NSUN7: variants seen among roughly 807,000 people sequenced by gnomAD.
NSUN7 encodes protein NSUN7.
A neutral mutation model predicts 58.5 loss-of-function variants in NSUN7; 39 were observed. The ratio of observed to expected loss-of-function variants is 0.67; its 90% CI spans 0.52 to 0.87. The LOEUF is 0.87. Ranked by LOEUF, NSUN7 falls within the 40% of genes least tolerant of loss-of-function variation. The pLI, the probability that NSUN7 is intolerant of heterozygous loss-of-function variation, is 0.00. For synonymous variants in NSUN7, 278 were observed against 303.7 expected, an observed-to-expected ratio of 0.92 and a Z score of 0.88; for missense variants, 765 against 844.1, an observed-to-expected ratio of 0.91 and a Z score of 1.16.
At position 40,811,093 on chromosome 4, in the gene NSUN7, C is replaced by T. The variant is rs1360230263; in HGVS notation, c.*2154C>T. On this transcript the variant is annotated 3_prime_UTR_variant, in exon 12 of 12. Transcript: ENST00000381782. ...TGAAGTCACAATTTGTTGCCACTTA[C>T]ATTGATTATCTCCTAACATGCATTT... 3 of 151,810 alleles carry T rather than the reference C, an allele frequency of 2.0e-5. No homozygotes were observed. The highest frequency in any genetic ancestry group is 4.4e-5 in the Non-Finnish European group (3 of 68,034). The allele number at this position is 151,810 out of a possible 1,614,324, so 9.4% of individuals were successfully genotyped here.
chr4:40,752,750 A>C (rs1319526554), intron 2 of NSUN7, among the ~76,000 whole-genome samples: 1 of 16,692 alleles, frequency 6.0e-5, no homozygotes, highest in Non-Finnish European at 1.2e-4. Flanking sequence ...ATTAAAAAAA[A>C]ATGCTCAGTT....
At chr4:40,760,134 T>G (rs978176431) in intron 2 of NSUN7, among the ~76,000 whole-genome samples, 1 of 152,200 alleles carries the variant, frequency 6.6e-6, no homozygotes, top group Non-Finnish European at 1.5e-5. Flanking sequence ...TAGATCCTCT[T>G]TAATATTTTT....
chr4:40,754,146 CTT>C (rs375750265), intron 2 of NSUN7, among the ~76,000 whole-genome samples: 21 of 141,068 alleles, frequency 1.5e-4, no homozygotes, highest in Non-Finnish European at 1.7e-4. Flanking sequence ...TGCTATTTTC[CTT>C]TTTTTTTTTT....
chr4:40,752,723 C>A lies in NSUN7; in HGVS notation c.298+1732C>A, dbSNP rs551317493. On this transcript the variant is annotated intron_variant, in intron 2 of 11. Coordinates refer to ENST00000381782, the MANE Select transcript of NSUN7 (RefSeq NM_024677.6). Reference sequence around the variant, plus strand: ...GCGTGAGCCACTGCACCTGGCCCCCCATCTCTATTTTTTAAAATTAAAAAA... The same window carrying A: ...GCGTGAGCCACTGCACCTGGCCCCCAATCTCTATTTTTTAAAATTAAAAAA... Among the ~76,000 whole-genome samples the A allele has an allele frequency of 3.4e-4, 22 of 65,188 alleles. No homozygotes were observed. In the South Asian group the frequency reaches 8.6e-3, roughly 26 times the overall value. 42.8% of individuals were successfully genotyped at this position (65,188 alleles called of 152,430 possible).
Position 40,750,777 on chromosome 4 carries a change from C to A in NSUN7, c.84C>A (p.Ser28=). 1 of 1,614,136 alleles carries A rather than the reference C, an allele frequency of 6.2e-7. No individual in the cohort carries two copies. The highest frequency in any genetic ancestry group is 1.1e-5 in the South Asian group (1 of 91,084). The change falls in exon 2 of 12, where the codon TCC becomes TCA. Residue 28 remains serine, a synonymous_variant. Transcript: ENST00000381782. ...IISQLTSLPL[S]GGKSSAGVPE... ...CCCAACTCACTTCCCTGCCTCTGTC[C>A]GGTGGGAAAAGCTCAGCTGGTGTGC...
In NSUN7 at chr4:40,809,007, A is replaced by C; in HGVS notation, c.*68A>C. On this transcript the variant is annotated 3_prime_UTR_variant, in exon 12 of 12. Coordinates refer to ENST00000381782, the MANE Select transcript of NSUN7 (RefSeq NM_024677.6). ...TTTTCAAAGTCTAGTATTTCTCTGAAGATTCTACATCTCTACACAAGATAT... is the reference window on the plus strand; with the variant it reads ...TTTTCAAAGTCTAGTATTTCTCTGACGATTCTACATCTCTACACAAGATAT... 7.2e-7 allele frequency: 1 copy of C among 1,391,978 alleles called. No homozygotes were observed. The highest frequency in any genetic ancestry group is 1.5e-5 in the South Asian group (1 of 66,126). 86.2% of individuals were successfully genotyped at this position (1,391,978 alleles called of 1,614,324 possible). A position where few individuals can be genotyped will look rare whatever the true frequency, so the allele number is the denominator to read the frequency against.
intron 4 of NSUN7, among the ~76,000 whole-genome samples, chr4:40,772,581 A>G (rs946286972): frequency 2.6e-5 from 4 of 152,186 alleles, no homozygotes; most frequent in Admixed American, 6.5e-5. Flanking sequence ...ATTCCCACAT[A>G]AACAATTTTT....
chr4:40,776,656 C>CA (rs1742285754), intron 7 of NSUN7, among the ~76,000 whole-genome samples: 8 of 151,754 alleles, frequency 5.3e-5, no homozygotes, highest in Non-Finnish European at 1.2e-4. Context: ...TACTTTGTTG[C>CA]CCAGGCTGGA....
intron 9 of NSUN7, among the ~76,000 whole-genome samples, chr4:40,798,524 TTG>T (rs1743419953): frequency 6.6e-6 from 1 of 152,218 alleles, no homozygotes. Flanking sequence ...ATTTATTTAT[TTG>T]TGTTTATAAC....
At chr4:40,760,596 C>T in intron 3 of NSUN7, 104 bp downstream of exon 3, 1 of 875,738 alleles carries the variant, frequency 1.1e-6, no homozygotes, top group Middle Eastern at 3.4e-4. Context: ...GGCGCAGTGG[C>T]TCACACCTGT....
chr4:40,761,336 A>T, intron 4 of NSUN7, 35 bp downstream of exon 4: 2 of 1,550,308 alleles, frequency 1.3e-6, no homozygotes, highest in Middle Eastern at 1.7e-4. Flanking sequence ...TTTTATATGA[A>T]ACCTACATTG....
intron 8 of NSUN7, among the ~76,000 whole-genome samples, chr4:40,792,611 C>T (rs1743131137): frequency 6.6e-6 from 1 of 152,036 alleles, no homozygotes; most frequent in Non-Finnish European, 1.5e-5. Flanking sequence ...ATTAGCCGGG[C>T]GAGGTGGCGG....
At chr4:40,774,166 TTTG>T (rs1310184771) in intron 4 of NSUN7, 96 bp from the exon 5 acceptor site, 10 of 1,054,578 alleles carry the variant, frequency 9.5e-6, no homozygotes, top group Non-Finnish European at 1.4e-5. Flanking sequence ...AGAATTGTTA[TTTG>T]TTAAAATTCT....
At chr4:40,797,681 TG>T (rs1439188398) in intron 9 of NSUN7, among the ~76,000 whole-genome samples, 17 of 152,214 alleles carry the variant, frequency 1.1e-4, no homozygotes, top group Non-Finnish European at 1.5e-5. Flanking sequence ...CTTGAATTAC[TG>T]TAATGACCTC....
chr4:40,766,204 T>C (rs1258846028), intron 4 of NSUN7, among the ~76,000 whole-genome samples: 9 of 152,064 alleles, frequency 5.9e-5, no homozygotes, highest in Non-Finnish European at 1.0e-4. Context: ...TTCAGTATGA[T>C]ATTGGCTGTG....
At chr4:40,756,302 A>G (rs1741141133) in intron 2 of NSUN7, among the ~76,000 whole-genome samples, 1 of 152,228 alleles carries the variant, frequency 6.6e-6, no homozygotes, top group East Asian at 1.9e-4. Context: ...GTAGTAAGAA[A>G]GGGTAGAGAG....
At chr4:40,800,343 CTT>C (rs752170347) in intron 10 of NSUN7, among the ~76,000 whole-genome samples, 5 of 145,420 alleles carry the variant, frequency 3.4e-5, no homozygotes, top group African/African-American at 5.0e-5. Context: ...AATCCTTAAA[CTT>C]TTTTTTTTTT....
intron 10 of NSUN7, among the ~76,000 whole-genome samples, chr4:40,800,893 C>T (rs34676614): frequency 0.13 from 20,309 of 152,090 alleles, 1,570 homozygotes; most frequent in Non-Finnish European, 0.17. Flanking sequence ...TTTACCTTGT[C>T]AGAAAAGGTC....
rs781494856 is a variant in NSUN7, at chr4:40,750,756, A to C, written c.63A>C (p.Gln21His). 1 of 1,613,540 alleles carries C rather than the reference A, an allele frequency of 6.2e-7. No individual in the cohort carries two copies. The highest frequency in any genetic ancestry group is 1.3e-5 in the African/African-American group (1 of 74,716). Residue 21 changes from glutamine to histidine, a missense_variant, in exon 2 of 12, where the codon CAA becomes CAC. Transcript: ENST00000381782. ...AAGAAGATCCCGAGATCATCTCCCA[A>C]CTCACTTCCCTGCCTCTGTCCGGTG... ...SNEEDPEIISQLTSLPLSGGK... is the reference protein window; with the variant it reads ...SNEEDPEIISHLTSLPLSGGK...
Sources: allele counts gnomAD v4.1 joint callset (sites outside exome capture counted in the v4.1 genomes callset), GRCh38; gene constraint gnomAD v4.1.1; transcripts MANE v1.5; gene names NCBI Gene and HGNC (gene_info 2026-07-23, HGNC 2026-07-21).